PTK2: variants seen among roughly 807,000 people sequenced by gnomAD.
The protein encoded by PTK2 is focal adhesion kinase 1.
A neutral mutation model predicts 150.1 loss-of-function variants in PTK2; 45 were observed. The ratio of observed to expected loss-of-function variants is 0.30; its 90% CI spans 0.24 to 0.38. The LOEUF is 0.38. Ranked by LOEUF, PTK2 falls within the 10% of genes least tolerant of loss-of-function variation. The pLI, the probability that PTK2 is intolerant of heterozygous loss-of-function variation, is 1.00. For synonymous variants in PTK2, 432 were observed against 449.2 expected (o/e 0.96, Z 0.48); for missense variants, 919 against 1,307.3 (o/e 0.70, Z 4.58).
chr8:140,886,063 G>A (rs1049490236), intron 3 of PTK2, among the ~76,000 whole-genome samples: 25 of 152,184 alleles, frequency 1.6e-4, no homozygotes, highest in East Asian at 5.8e-4. Context: ...GGTAGCAGTG[G>A]AGGCAATATG....
chr8:140,789,556 C>A, intron 13 of PTK2, 30 bp from the exon 14 acceptor site: 1 of 1,607,568 alleles, frequency 6.2e-7, no homozygotes, highest in Non-Finnish European at 8.5e-7. Flanking sequence ...AGCTGTAAGC[C>A]CTGCAATTTC....
At chr8:140,883,850 T>C (rs2100150698) in intron 3 of PTK2, among the ~76,000 whole-genome samples, 1 of 152,146 alleles carries the variant, frequency 6.6e-6, no homozygotes, top group Non-Finnish European at 1.5e-5. Flanking sequence ...ACAAGTGCAT[T>C]ATCTTTTAGT....
intron 27 of PTK2, among the ~76,000 whole-genome samples, chr8:140,685,554 C>T (rs1819688296): frequency 6.6e-6 from 1 of 152,148 alleles, no homozygotes; most frequent in South Asian, 2.1e-4. Flanking sequence ...TAAAACCAAA[C>T]AGCCCCATTA....
At chr8:140,766,084 G>A (rs2100072102) in intron 14 of PTK2, among the ~76,000 whole-genome samples, 1 of 152,130 alleles carries the variant, frequency 6.6e-6, no homozygotes, top group African/African-American at 2.4e-5. Context: ...GATTTTGGGA[G>A]AGCCACTCAA....
chr8:140,982,748 T>C lies in PTK2; in HGVS notation c.-122+18377A>G, dbSNP rs1435424848. ...AATTATGTCACATTTTAGCAGGAGT[T>C]GTCCAATGTTAGCGTACGTTTTCAG... On this transcript the variant is annotated intron_variant, in intron 1 of 31. Transcript: ENST00000522684. Among the ~76,000 whole-genome samples the C allele has an allele frequency of 4.6e-5, 7 of 152,356 alleles. No homozygotes were observed. In the East Asian group the frequency reaches 1.3e-3, roughly 29 times the overall value.
intron 14 of PTK2, among the ~76,000 whole-genome samples, chr8:140,768,255 T>C (rs919401184): frequency 6.6e-6 from 1 of 152,042 alleles, no homozygotes; most frequent in African/African-American, 2.4e-5. Flanking sequence ...ATTTGGTCCA[T>C]GGGCCTTACT....
intron 25 of PTK2, among the ~76,000 whole-genome samples, chr8:140,701,954 C>CT (rs1348208415): frequency 6.6e-6 from 1 of 151,508 alleles, no homozygotes; most frequent in Non-Finnish European, 1.5e-5. Context: ...TGGTGAAACT[C>CT]TGTCTCTACT....
At chr8:140,689,975 T>C (rs4961285) in intron 26 of PTK2, among the ~76,000 whole-genome samples, 131,692 of 152,202 alleles carry the variant, frequency 0.87, 57,625 homozygotes, top group African/African-American at 0.97. Flanking sequence ...TTTTTTGAGA[T>C]GGAGTCTCCC....
chr8:140,882,652 A>G (rs2100149872), intron 3 of PTK2, among the ~76,000 whole-genome samples: 1 of 152,196 alleles, frequency 6.6e-6, no homozygotes, highest in Admixed American at 6.5e-5. Flanking sequence ...CCTGTATCTT[A>G]TCAGGAACAT....
intron 14 of PTK2, among the ~76,000 whole-genome samples, chr8:140,779,891 C>T (rs2100080685): frequency 6.6e-6 from 1 of 152,108 alleles, no homozygotes; most frequent in African/African-American, 2.4e-5. Flanking sequence ...CTGAACACTA[C>T]CGAACTCTGT....
chr8:140,719,887 C>CA (rs71308987), intron 22 of PTK2, among the ~76,000 whole-genome samples: 2,676 of 90,668 alleles, frequency 0.03, 142 homozygotes, highest in African/African-American at 0.066. Context: ...CTTGTCTCAC[C>CA]AAAAAAAAAA....
At chr8:140,769,340 A>C (rs2100074258) in intron 14 of PTK2, among the ~76,000 whole-genome samples, 1 of 152,196 alleles carries the variant, frequency 6.6e-6, no homozygotes, top group Non-Finnish European at 1.5e-5. Context: ...GAAATCTAGG[A>C]AATTTACTAG....
At chr8:140,928,955 C>T (rs1482098398) in intron 1 of PTK2, among the ~76,000 whole-genome samples, 1 of 118,266 alleles carries the variant, frequency 8.5e-6, no homozygotes, top group Admixed American at 8.7e-5. Flanking sequence ...ATTTTTATCA[C>T]AATTTTTTTT....
intron 14 of PTK2, among the ~76,000 whole-genome samples, chr8:140,778,341 C>T (rs1430822893): frequency 6.6e-6 from 1 of 152,206 alleles, no homozygotes; most frequent in Non-Finnish European, 1.5e-5. Flanking sequence ...GTTCCAGCTA[C>T]TCAGGAGGCT....
intron 1 of PTK2, among the ~76,000 whole-genome samples, chr8:140,979,402 T>TA (rs796130568): frequency 0.03 from 3,706 of 125,076 alleles, 153 homozygotes; most frequent in African/African-American, 0.1. Flanking sequence ...ACAAGTCAAT[T>TA]AAAAAAAAAA....
At chr8:140,756,498 G>C (rs1006881513) in intron 16 of PTK2, among the ~76,000 whole-genome samples, 3 of 151,300 alleles carry the variant, frequency 2.0e-5, no homozygotes, top group Non-Finnish European at 2.9e-5. Context: ...AGGGGTTCAA[G>C]ACCAGCCTGA....
intron 27 of PTK2, among the ~76,000 whole-genome samples, chr8:140,685,424 G>A (rs1431700374): frequency 6.6e-6 from 1 of 152,098 alleles, no homozygotes; most frequent in Non-Finnish European, 1.5e-5. Flanking sequence ...CTTCTTTACA[G>A]CAAAAGGAAC....
chr8:140,909,227 C>G (rs1005735912), intron 2 of PTK2: 3 of 154,204 alleles, frequency 1.9e-5, no homozygotes, highest in Admixed American at 1.3e-4. Flanking sequence ...GCAGACAACC[C>G]ACAGTAAGGA....
chr8:140,735,087 G>A, intron 22 of PTK2, 164 bp downstream of exon 25: 1 of 662,194 alleles, frequency 1.5e-6, no homozygotes, highest in Non-Finnish European at 2.6e-6. Context: ...ACTCTAGCAA[G>A]GTACAAAGAA....
Sources: gnomAD v4.1 joint callset for allele counts (sites outside exome capture counted in the v4.1 genomes callset) on GRCh38, gnomAD v4.1.1 for gene constraint, MANE v1.5 for transcripts, NCBI Gene and HGNC (gene_info 2026-07-23, HGNC 2026-07-21) for gene names.